Variants in TFG observed in about 807,000 individuals in gnomAD.
The protein encoded by TFG is trafficking from ER to golgi regulator.
A neutral mutation model predicts 51.4 loss-of-function variants in TFG; 22 were observed. That is an observed-to-expected ratio of 0.43 (90% CI 0.31 to 0.61). The LOEUF (loss-of-function observed/expected upper bound fraction) is 0.61. TFG is among the 20% of genes least tolerant of loss of function. The probability of loss-of-function intolerance (pLI) is 0.12; values close to 1 mark genes in which losing one functional copy is unlikely to be tolerated. For missense variants in TFG, 419 were observed against 487.7 expected (o/e 0.86, Z 1.33); for synonymous variants, 187 against 165.6 (o/e 1.13, Z -0.99).
chr3:100,736,474 T>C (rs998290672), intron 5 of TFG, 102 bp from the exon 6 acceptor site: 3 of 1,295,886 alleles, frequency 2.3e-6, no homozygotes. Context: ...TATATACTTA[T>C]TCTATAGTAC....
At chr3:100,725,622 CAAAAAAAAAAA>C (rs763163559) in intron 3 of TFG, among the ~76,000 whole-genome samples, 2 of 83,490 alleles carry the variant, frequency 2.4e-5, no homozygotes, top group African/African-American at 9.3e-5. Flanking sequence ...ACCAAAAATA[CAAAAAAAAAAA>C]AAAAAAAAAA....
intron 2 of TFG, among the ~76,000 whole-genome samples, chr3:100,717,564 GTTTCTTTCATCAGTGTTTTTTTT>G (rs1244122087): frequency 6.9e-6 from 1 of 144,052 alleles, no homozygotes; most frequent in Non-Finnish European, 1.5e-5. Flanking sequence ...ATGCTCTTTG[GTTTCTTTCATCAGTGTTTTTTTT>G]TTTTTTTGTA....
At chr3:100,743,610 A>G (rs1265875460) in intron 6 of TFG, 3 of 152,096 alleles carry the variant, frequency 2.0e-5, no homozygotes, top group Non-Finnish European at 2.9e-5. Flanking sequence ...TTTTTATTAT[A>G]AAGAAACATT....
intron 2 of TFG, among the ~76,000 whole-genome samples, chr3:100,716,280 T>C (rs528299271): frequency 1.3e-5 from 2 of 152,330 alleles, no homozygotes; most frequent in South Asian, 4.1e-4. Context: ...AGATCAACTT[T>C]TTTTAGCTTC....
At chr3:100,717,554 A>G (rs973464096) in intron 2 of TFG, among the ~76,000 whole-genome samples, 29 of 146,916 alleles carry the variant, frequency 2.0e-4, no homozygotes, top group African/African-American at 4.5e-4. Flanking sequence ...TTACATATGT[A>G]TGCTCTTTGG....
At chr3:100,717,637 T>C (rs918714538) in intron 2 of TFG, among the ~76,000 whole-genome samples, 4 of 151,602 alleles carry the variant, frequency 2.6e-5, no homozygotes, top group Non-Finnish European at 5.9e-5. Flanking sequence ...TTCCTAGATA[T>C]TTAAAAAAAT....
chr3:100,720,730 A>G (rs1051627677), intron 3 of TFG, among the ~76,000 whole-genome samples: 24 of 152,220 alleles, frequency 1.6e-4, no homozygotes. Flanking sequence ...GGGGTACTTA[A>G]AGATTAAAAA....
intron 2 of TFG, among the ~76,000 whole-genome samples, chr3:100,714,336 C>T (rs918609475): frequency 1.3e-5 from 2 of 152,084 alleles, no homozygotes; most frequent in African/African-American, 2.4e-5. Context: ...CCTGTCTCTA[C>T]TAAAAATACC....
intron 3 of TFG, among the ~76,000 whole-genome samples, chr3:100,720,292 A>G (rs2095057205): frequency 6.6e-6 from 1 of 152,108 alleles, no homozygotes; most frequent in African/African-American, 2.4e-5. Context: ...TTTTTTTTGA[A>G]ATCAGGTATA....
chr3:100,714,981 G>T (rs532126868), intron 2 of TFG, among the ~76,000 whole-genome samples: 1 of 152,132 alleles, frequency 6.6e-6, no homozygotes, highest in South Asian at 2.1e-4. Context: ...CTCTTTAGGT[G>T]GTTACCAGTG....
In TFG at chr3:100,713,851, A is replaced by G. The variant is rs1406625923; in HGVS notation, c.166A>G (p.Ile56Val). Residue 56 changes from isoleucine to valine, a missense_variant, in exon 2 of 8, where the codon ATA becomes GTA. Coordinates refer to ENST00000240851, the MANE Select transcript of TFG (RefSeq NM_006070.6). The part of the protein sequence containing the change: ...GKLLSNDEVT[I>V]KYKDEDGDLI... ...ACTTCTGAGTAATGATGAAGTAACA[A>G]TAAAGTATAAAGATGAAGGTAAGAG... 1.3e-6 allele frequency: 2 copies of G among 1,559,126 alleles called. No homozygotes were observed. Among genetic ancestry groups the G allele is most frequent in the East Asian group, 4.6e-5 (2 of 43,950 alleles).
At chr3:100,724,007 A>G (rs1322440346) in intron 3 of TFG, among the ~76,000 whole-genome samples, 1 of 152,158 alleles carries the variant, frequency 6.6e-6, no homozygotes, top group Non-Finnish European at 1.5e-5. Flanking sequence ...TTGGAGACAA[A>G]ATATGGTTTT....
chr3:100,748,669 T>C lies in TFG; in HGVS notation c.*138T>C. ...TTTATGATATCATTGTTGGTGTTAA[T>C]TGAAAGTATAATTTGCTGGAACACA... is the stretch of plus-strand genomic sequence containing the variant. On this transcript the variant is annotated 3_prime_UTR_variant, in exon 8 of 8. Transcript: ENST00000240851. 9.8e-7 allele frequency: 1 copy of C among 1,025,430 alleles called. No individual in the cohort carries two copies. Among genetic ancestry groups the C allele is most frequent in the Non-Finnish European group, 1.3e-6 (1 of 742,084 alleles). The allele number at this position is 1,025,430 out of a possible 1,614,324, so 63.5% of individuals were successfully genotyped here.
rs899731406 is a variant in TFG, at chr3:100,709,690, G to A, written c.-75G>A. The A allele has an allele frequency of 6.6e-6, 1 of 150,970 alleles. No homozygotes were observed. Among genetic ancestry groups the A allele is most frequent in the African/African-American group, 2.4e-5 (1 of 41,180 alleles). 9.4% of individuals were successfully genotyped at this position (150,970 alleles called of 1,614,324 possible). On this transcript the variant is annotated 5_prime_UTR_variant, in exon 1 of 8. Transcript: ENST00000240851. ...GTCCGCCCATTCAGCGGAGACCTGC[G>A]GAGAGGCGGCGGCCGCGGCCTCCGC...
intron 3 of TFG, among the ~76,000 whole-genome samples, chr3:100,722,022 G>A (rs183606004): frequency 5.3e-5 from 8 of 152,284 alleles, no homozygotes; most frequent in African/African-American, 1.9e-4. Flanking sequence ...GTAGTGGTGT[G>A]TGCCTGTAGT....
chr3:100,717,280 GTT>G (rs774895555), intron 2 of TFG, among the ~76,000 whole-genome samples: 1 of 152,014 alleles, frequency 6.6e-6, no homozygotes, highest in Non-Finnish European at 1.5e-5. Flanking sequence ...CTGTGGGTCC[GTT>G]TTTGTGCCAG....
chr3:100,720,128 C>A, intron 3 of TFG, 70 bp downstream of exon 3: 1 of 926,064 alleles, frequency 1.1e-6, no homozygotes, highest in South Asian at 1.7e-5. Flanking sequence ...GGCTTTTTTC[C>A]TTTTAAAGAC....
intron 3 of TFG, among the ~76,000 whole-genome samples, chr3:100,724,077 G>C (rs939065411): frequency 4.6e-5 from 7 of 152,154 alleles, no homozygotes; most frequent in Non-Finnish European, 8.8e-5. Flanking sequence ...TGACTTCTAT[G>C]TAACCAAGTT....
chr3:100,717,981 G>A (rs1054096968), intron 2 of TFG, among the ~76,000 whole-genome samples: 7 of 152,244 alleles, frequency 4.6e-5, no homozygotes, highest in African/African-American at 1.2e-4. Flanking sequence ...CTGGAGCGCA[G>A]TGGTGTGATC....
Sources: gnomAD v4.1 joint callset for allele counts (sites outside exome capture counted in the v4.1 genomes callset) on GRCh38, gnomAD v4.1.1 for gene constraint, MANE v1.5 for transcripts, NCBI Gene and HGNC (gene_info 2026-07-23, HGNC 2026-07-21) for gene names.